Variants in SHROOM4 observed in about 807,000 individuals in gnomAD.
SHROOM4 encodes shroom family member 4.
A neutral mutation model predicts 80.3 loss-of-function variants in SHROOM4; 17 were observed. The ratio of observed to expected loss-of-function variants is 0.21; its 90% CI spans 0.14 to 0.32. The LOEUF is 0.32. SHROOM4 is among the 10% of genes least tolerant of loss of function. The pLI is 1.00. For synonymous variants in SHROOM4, 400 were observed against 437.5 expected, an observed-to-expected ratio of 0.91 and a Z score of 1.07; for missense variants, 993 against 1,140.3, an observed-to-expected ratio of 0.87 and a Z score of 1.86.
At chrX:50,768,888 T>A (rs1364056539) in intron 1 of SHROOM4, among the ~76,000 whole-genome samples, 1 of 111,529 alleles carries the variant, frequency 9.0e-6, no homozygotes, top group Non-Finnish European at 1.9e-5. Context: ...TTATAGGAAT[T>A]AGGTTGGCAG....
chrX:50,706,202 C>T (rs1602449359), intron 1 of SHROOM4, among the ~76,000 whole-genome samples: 1 of 112,006 alleles, frequency 8.9e-6, no homozygotes, highest in East Asian at 2.8e-4. Context: ...AGAGGCCTTT[C>T]CTGACCAACC....
intron 1 of SHROOM4, among the ~76,000 whole-genome samples, chrX:50,759,789 A>T (rs782076244): frequency 9.0e-6 from 1 of 110,798 alleles, no homozygotes; most frequent in East Asian, 2.8e-4. Context: ...TTATTTTCTT[A>T]TTTCTTCAGT....
chrX:50,796,957 C>T (rs1557272174), intron 1 of SHROOM4, among the ~76,000 whole-genome samples: 2 of 104,122 alleles, frequency 1.9e-5, no homozygotes, highest in African/African-American at 7.2e-5. Context: ...TGAATACTAT[C>T]AGACAGTGGA....
downstream of SHROOM4, among the ~76,000 whole-genome samples, chrX:50,582,232 C>T (rs1441707202): frequency 1.8e-5 from 2 of 111,856 alleles, no homozygotes; most frequent in Non-Finnish European, 3.8e-5. Context: ...CTAGAGTGAG[C>T]TTGGAAGTGG....
At chrX:50,750,935 G>GT (rs1287240267) in intron 1 of SHROOM4, among the ~76,000 whole-genome samples, 1 of 111,973 alleles carries the variant, frequency 8.9e-6, no homozygotes, top group Non-Finnish European at 1.9e-5. Context: ...AAACATTAAC[G>GT]TATCACTTAA....
At position 50,634,539 on chromosome X, in the gene SHROOM4, G is replaced by C. The variant is rs781825639; in HGVS notation, c.1534C>G (p.Pro512Ala). 1.4e-5 allele frequency: 17 copies of C among 1,209,747 alleles called. No individual in the cohort carries two copies. Among genetic ancestry groups the C allele is most frequent in the Non-Finnish European group, 1.9e-5 (17 of 895,252 alleles). ...CTGGCTGCTCTGCTTGTTCTGTTTGGGTCCAGGAAACCTTTTTCTGAGGGG... is the reference window on the plus strand; with the variant it reads ...CTGGCTGCTCTGCTTGTTCTGTTTGCGTCCAGGAAACCTTTTTCTGAGGGG... ...GHPSEKGFLD[P>A]NRTSRAASEL... The change falls in exon 4 of 9, where the codon CCA becomes GCA. Residue 512 changes from proline (P) to alanine (A), a missense_variant. Pro to Ala is a conservative substitution (Grantham distance 27). Transcript: ENST00000376020.
chrX:50,702,012 A>G (rs1557263563), intron 1 of SHROOM4, among the ~76,000 whole-genome samples: 1 of 112,286 alleles, frequency 8.9e-6, no homozygotes, highest in Admixed American at 9.5e-5. Context: ...CCAGAATATT[A>G]AAAGAACTAC....
chrX:50,808,030 C>T (rs1557273153), intron 1 of SHROOM4, among the ~76,000 whole-genome samples: 1 of 111,320 alleles, frequency 9.0e-6, no homozygotes, highest in African/African-American at 3.3e-5. Context: ...GGAACATGGA[C>T]AAGCTGAAGT....
intron 1 of SHROOM4, among the ~76,000 whole-genome samples, chrX:50,756,493 T>C (rs971598283): frequency 8.9e-6 from 1 of 112,426 alleles, no homozygotes; most frequent in African/African-American, 3.2e-5. Context: ...TATGTTTTCA[T>C]TTATCTTGTG....
chrX:50,583,019 G>GA (rs1557244426), downstream of SHROOM4, among the ~76,000 whole-genome samples: 2 of 108,452 alleles, frequency 1.8e-5, no homozygotes, highest in African/African-American at 6.7e-5. Flanking sequence ...TCAACGGATT[G>GA]ACAGAATTAA....
intron 4 of SHROOM4, among the ~76,000 whole-genome samples, chrX:50,630,341 T>C (rs1364222809): frequency 9.1e-6 from 1 of 109,356 alleles, no homozygotes; most frequent in Non-Finnish European, 1.9e-5. Context: ...TAAGAGATGA[T>C]AACTCACTTA....
intron 5 of SHROOM4, among the ~76,000 whole-genome samples, chrX:50,622,068 G>A (rs1930598576): frequency 8.9e-6 from 1 of 112,134 alleles, no homozygotes; most frequent in Non-Finnish European, 1.9e-5. Context: ...TCAATAAACA[G>A]TAATGCTCTC....
intron 1 of SHROOM4, among the ~76,000 whole-genome samples, chrX:50,702,097 G>A (rs930785492): frequency 3.7e-4 from 42 of 112,127 alleles, no homozygotes; most frequent in African/African-American, 1.3e-3. Context: ...AAAAGAGATA[G>A]CCAAATACCC....
intron 6 of SHROOM4, among the ~76,000 whole-genome samples, chrX:50,606,051 C>T (rs1375934970): frequency 9.3e-6 from 1 of 107,131 alleles, no homozygotes; most frequent in Non-Finnish European, 1.9e-5. Flanking sequence ...GCTTGAGAAG[C>T]AGCCACATGG....
intron 5 of SHROOM4, among the ~76,000 whole-genome samples, chrX:50,610,350 T>TCACACA (rs1182083540): frequency 4.7e-5 from 3 of 64,449 alleles, no homozygotes; most frequent in African/African-American, 2.4e-4. Flanking sequence ...TCTCTCTCTC[T>TCACACA]CTCACACACA....
chrX:50,733,283 A>G (rs782043818), intron 1 of SHROOM4, among the ~76,000 whole-genome samples: 5 of 112,105 alleles, frequency 4.5e-5, no homozygotes, highest in Non-Finnish European at 9.4e-5. Context: ...GGCTTCTATG[A>G]CAAATCCACA....
chrX:50,694,107 T>C (rs1386593916), intron 2 of SHROOM4, among the ~76,000 whole-genome samples: 1 of 111,988 alleles, frequency 8.9e-6, no homozygotes, highest in African/African-American at 3.2e-5. Context: ...CCTTATCCAT[T>C]CATCTACTGA....
rs1450856029 is a variant in SHROOM4 at position 50,723,397 on chromosome X, A to G, written c.118-27460T>C. 1.3e-4 allele frequency among the ~76,000 whole-genome samples: 12 copies of G among 92,178 alleles called. No individual in the cohort carries two copies. The East Asian group carries it at 2.6e-3, about 20-fold the overall frequency. The allele number at this position is 92,178 out of a possible 115,157, so 80.0% of individuals were successfully genotyped here. On this transcript the variant is annotated intron_variant, in intron 1 of 8. Transcript: ENST00000376020. ...GGGAGGGAGGGAGCAAGGGAGGGAG[A>G]GAGAGAGAGAGAGAGAGAGAGAGAA...
chrX:50,743,280 T>C (rs1290306766), intron 1 of SHROOM4, among the ~76,000 whole-genome samples: 3 of 110,702 alleles, frequency 2.7e-5, no homozygotes, highest in Non-Finnish European at 5.7e-5. Context: ...TTCTGGGCAC[T>C]AGTTGTGTTC....
Sources: gnomAD v4.1 joint callset for allele counts (sites outside exome capture counted in the v4.1 genomes callset) on GRCh38, gnomAD v4.1.1 for gene constraint, MANE v1.5 for transcripts, NCBI Gene and HGNC (gene_info 2026-07-23, HGNC 2026-07-21) for gene names.